The following HS6ST2 variants were observed in gnomAD, a reference collection of about 807,000 sequenced individuals.
The protein encoded by HS6ST2 is heparan-sulfate 6-O-sulfotransferase 2.
In HS6ST2, 17 loss-of-function variants were observed where a neutral mutation model predicts 33.0. The ratio of observed to expected loss-of-function variants is 0.52; its 90% CI spans 0.35 to 0.77. HS6ST2 has a LOEUF of 0.77. Ranked by LOEUF, HS6ST2 falls within the 30% of genes least tolerant of loss-of-function variation. The probability of loss-of-function intolerance (pLI) is 0.01; values close to 1 mark genes in which losing one functional copy is unlikely to be tolerated. For synonymous variants in HS6ST2, 248 were observed against 237.1 expected (o/e 1.05, Z -0.42); for missense variants, 519 against 551.7 (o/e 0.94, Z 0.59).
intron 2 of HS6ST2, among the ~76,000 whole-genome samples, chrX:132,921,034 T>C: frequency 8.9e-6 from 1 of 112,496 alleles, no homozygotes; most frequent in South Asian, 3.7e-4. Context: ...GAGTGGAGAA[T>C]AAAGAGCAGG....
chrX:132,944,517 T>G (rs1335521476), intron 2 of HS6ST2, among the ~76,000 whole-genome samples: 1 of 111,680 alleles, frequency 9.0e-6, no homozygotes, highest in African/African-American at 3.3e-5. Flanking sequence ...AAAGTTCATA[T>G]GGAACCAAAA....
chrX:132,853,336 T>G (rs1428603355), intron 2 of HS6ST2, among the ~76,000 whole-genome samples: 1 of 106,855 alleles, frequency 9.4e-6, no homozygotes, highest in Non-Finnish European at 1.9e-5. Flanking sequence ...TTTTTTCTTT[T>G]TTTTTAGAGA....
At chrX:132,901,179 CA>C (rs1189795900) in intron 2 of HS6ST2, among the ~76,000 whole-genome samples, 1 of 111,617 alleles carries the variant, frequency 9.0e-6, no homozygotes, top group Non-Finnish European at 1.9e-5. Flanking sequence ...CAGCCCCAGC[CA>C]ACATCTTGAT....
At chrX:132,744,178 T>C (rs1228805117) in intron 2 of HS6ST2, among the ~76,000 whole-genome samples, 2 of 112,031 alleles carry the variant, frequency 1.8e-5, no homozygotes, top group East Asian at 5.6e-4. Flanking sequence ...AAGCATTTTC[T>C]GTGTCTAACC....
At chrX:132,648,708 T>G (rs892413757) in intron 4 of HS6ST2, among the ~76,000 whole-genome samples, 1 of 111,232 alleles carries the variant, frequency 9.0e-6, no homozygotes, top group Non-Finnish European at 1.9e-5. Context: ...GGGGTGGAAT[T>G]CTTTATCTCT....
chrX:132,671,233 T>C (rs1267928564), intron 3 of HS6ST2, among the ~76,000 whole-genome samples: 2 of 111,849 alleles, frequency 1.8e-5, no homozygotes, highest in Non-Finnish European at 3.8e-5. Context: ...GCTAATATGC[T>C]CTGTGTCACT....
intron 2 of HS6ST2, among the ~76,000 whole-genome samples, chrX:132,713,910 C>T (rs894759376): frequency 1.8e-5 from 2 of 111,319 alleles, no homozygotes; most frequent in African/African-American, 6.5e-5. Context: ...TCAGAGCCTT[C>T]TAGATCCAGA....
intron 4 of HS6ST2, among the ~76,000 whole-genome samples, chrX:132,660,566 C>T (rs1023076820): frequency 9.0e-6 from 1 of 111,593 alleles, no homozygotes; most frequent in African/African-American, 3.3e-5. Context: ...ACCTCCCCCT[C>T]CTCCCCATGA....
At chrX:132,866,093 T>TAGGGTTTTTA (rs1313100014) in intron 2 of HS6ST2, among the ~76,000 whole-genome samples, 1 of 110,486 alleles carries the variant, frequency 9.1e-6, no homozygotes, top group South Asian at 3.8e-4. Flanking sequence ...GGTTTTCTTC[T>TAGGGTTTTTA]AGGGTTTTTA....
At chrX:132,928,060 T>C (rs1341480847) in intron 2 of HS6ST2, among the ~76,000 whole-genome samples, 2 of 108,583 alleles carry the variant, frequency 1.8e-5, no homozygotes, top group African/African-American at 3.4e-5. Flanking sequence ...GTAGCAGGCA[T>C]GTCACATGGC....
rs1569476038 is a variant in HS6ST2, at chrX:132,637,926, AT to A, written c.1068-8834del. On this transcript the variant is annotated intron_variant, in intron 4 of 4. Transcript: ENST00000370833. ...ATATTATATATAATATTTTATATAT[AT>A]ATTATATATAATATTTTATATATAA... Among the ~76,000 whole-genome samples, 91 of 53,145 alleles carry A rather than the reference AT, an allele frequency of 1.7e-3. 2 individuals are homozygous for A. The highest frequency in any genetic ancestry group is 0.01 in the South Asian group (14 of 1,399). The allele number at this position is 53,145 out of a possible 115,157, so 46.2% of individuals were successfully genotyped here.
intron 2 of HS6ST2, among the ~76,000 whole-genome samples, chrX:132,776,914 A>G (rs2064965529): frequency 9.1e-6 from 1 of 110,474 alleles, no homozygotes; most frequent in African/African-American, 3.3e-5. Flanking sequence ...CATTCACGCC[A>G]GTGAATTCCA....
intron 2 of HS6ST2, among the ~76,000 whole-genome samples, chrX:132,787,245 ATG>A (rs2065076271): frequency 1.1e-5 from 1 of 88,428 alleles, no homozygotes; most frequent in Non-Finnish European, 2.1e-5. Context: ...ATATACATAT[ATG>A]TATATATATG....
chrX:132,876,100 T>A (rs1007034426), intron 2 of HS6ST2, among the ~76,000 whole-genome samples: 5 of 111,966 alleles, frequency 4.5e-5, no homozygotes, highest in African/African-American at 1.6e-4. Context: ...AATGCAGGTC[T>A]ATAATCAGGT....
At chrX:132,865,081 C>T (rs1279259327) in intron 2 of HS6ST2, among the ~76,000 whole-genome samples, 1 of 108,700 alleles carries the variant, frequency 9.2e-6, no homozygotes, top group African/African-American at 3.3e-5. Flanking sequence ...CACCCACTAA[C>T]TCGTCATCCA....
At chrX:132,885,449 C>T (rs763161596) in intron 2 of HS6ST2, among the ~76,000 whole-genome samples, 29 of 111,004 alleles carry the variant, frequency 2.6e-4, no homozygotes, top group Non-Finnish European at 4.5e-4. Flanking sequence ...ACTGTGTGGC[C>T]GACATCTTTT....
intron 2 of HS6ST2, among the ~76,000 whole-genome samples, chrX:132,787,214 C>T (rs1284910757): frequency 1.2e-4 from 9 of 73,155 alleles, no homozygotes; most frequent in African/African-American, 1.7e-4. Context: ...TATATATATA[C>T]ACATATATAT....
At chrX:132,687,505 G>A (rs766627638) in intron 3 of HS6ST2, among the ~76,000 whole-genome samples, 1 of 110,651 alleles carries the variant, frequency 9.0e-6, no homozygotes, top group African/African-American at 3.3e-5. Flanking sequence ...TTCAGCCGCT[G>A]GGGGAGGGGA....
chrX:132,799,450 C>T (rs1247411549), intron 2 of HS6ST2, among the ~76,000 whole-genome samples: 2 of 109,298 alleles, frequency 1.8e-5, no homozygotes, highest in Non-Finnish European at 3.8e-5. Flanking sequence ...TCACTGCTCA[C>T]TGCAGCCTCA....
Sources: gnomAD v4.1 joint callset for allele counts (sites outside exome capture counted in the v4.1 genomes callset) on GRCh38, gnomAD v4.1.1 for gene constraint, MANE v1.5 for transcripts, NCBI Gene and HGNC (gene_info 2026-07-23, HGNC 2026-07-21) for gene names.